Variants in ZFHX3 observed in about 807,000 individuals in gnomAD.
The protein encoded by ZFHX3 is zinc finger homeobox protein 3.
Under a neutral mutation model 279.1 loss-of-function variants are expected in ZFHX3, and 42 were observed. The observed-to-expected ratio is 0.15, with a 90% confidence interval of 0.12 to 0.19. The LOEUF (loss-of-function observed/expected upper bound fraction) is 0.19, where lower values mean the gene tolerates loss of function less well. Ranked by LOEUF, ZFHX3 falls within the 10% of genes least tolerant of loss-of-function variation. The pLI, the probability that ZFHX3 is intolerant of heterozygous loss-of-function variation, is 1.00. For missense variants in ZFHX3, 4,981 were observed against 4,754.0 expected (o/e 1.05, Z -1.40); for synonymous variants, 2,293 against 1,957.8 (o/e 1.17, Z -4.52).
chr16:73,888,122 C>T (rs1207755127), intron 1 of ZFHX3, among the ~76,000 whole-genome samples: 2 of 152,170 alleles, frequency 1.3e-5, no homozygotes, highest in Non-Finnish European at 2.9e-5. Flanking sequence ...TCAAATGTCT[C>T]TAGGAGCATC....
At chr16:73,212,650 G>A (rs539023933) in intron 5 of ZFHX3, among the ~76,000 whole-genome samples, 6 of 152,308 alleles carry the variant, frequency 3.9e-5, no homozygotes, top group African/African-American at 1.4e-4. Flanking sequence ...GCTCATGACC[G>A]TCACCTGGAG....
intron 2 of ZFHX3, among the ~76,000 whole-genome samples, chr16:73,563,834 G>C (rs1263172995): frequency 1.3e-5 from 2 of 152,070 alleles, no homozygotes; most frequent in Non-Finnish European, 2.9e-5. Flanking sequence ...TTAAAGTATA[G>C]ACAATATCCT....
intron 1 of ZFHX3, among the ~76,000 whole-genome samples, chr16:73,891,349 C>A (rs2030531683): frequency 2.0e-5 from 3 of 152,028 alleles, no homozygotes; most frequent in Admixed American, 6.5e-5. Flanking sequence ...CACACATACA[C>A]GTGTCAGCAA....
At chr16:73,187,391 G>A (rs996111579) in intron 5 of ZFHX3, among the ~76,000 whole-genome samples, 1 of 151,330 alleles carries the variant, frequency 6.6e-6, no homozygotes, top group African/African-American at 2.4e-5. Context: ...TCAGCCTACA[G>A]AGAAACGTCA....
chr16:73,856,732 T>TG (rs1304630527), intron 1 of ZFHX3, among the ~76,000 whole-genome samples: 1 of 152,192 alleles, frequency 6.6e-6, no homozygotes, highest in African/African-American at 2.4e-5. Flanking sequence ...TCCCACCCTT[T>TG]GGAAAGCTCT....
At chr16:72,859,692 G>A (rs1291284806) in intron 4 of ZFHX3, among the ~76,000 whole-genome samples, 1 of 152,200 alleles carries the variant, frequency 6.6e-6, no homozygotes, top group Non-Finnish European at 1.5e-5. Flanking sequence ...GCAGAAACGA[G>A]CTTTACTGAG....
chr16:73,003,442 C>T (rs1030909622), intron 1 of ZFHX3, among the ~76,000 whole-genome samples: 1 of 151,714 alleles, frequency 6.6e-6, no homozygotes, highest in Non-Finnish European at 1.5e-5. Flanking sequence ...AATCCCAGCA[C>T]TTTGGGAGGC....
chr16:72,994,772 T>A (rs1597067830), intron 1 of ZFHX3, among the ~76,000 whole-genome samples: 1 of 152,258 alleles, frequency 6.6e-6, no homozygotes, highest in East Asian at 1.9e-4. Context: ...AGGTTCCTCC[T>A]GACGGAACAA....
chr16:72,888,012 G>C (rs1180906745), intron 4 of ZFHX3, among the ~76,000 whole-genome samples: 1 of 152,050 alleles, frequency 6.6e-6, no homozygotes, highest in Non-Finnish European at 1.5e-5. Flanking sequence ...ATTCTCATCT[G>C]CCCAGGTAGA....
At position 73,841,394 on chromosome 16, in the gene ZFHX3, A is replaced by G. The variant is rs1258800032; in HGVS notation, c.-1608+50257T>C. Among the ~76,000 whole-genome samples, 3 of 152,266 alleles carry G rather than the reference A, an allele frequency of 2.0e-5. No homozygotes were observed. The South Asian group carries it at 6.2e-4, about 32-fold the overall frequency. The stretch of plus-strand genomic sequence containing the variant: ...AGTGAACCCAAGAGCCATAGACTGC[A>G]GGGGAGACATGGCGGACCAGGAATC... On this transcript the variant is annotated intron_variant, in intron 1 of 17. Coordinates refer to the ZFHX3 transcript ENST00000641206.
chr16:73,391,860 G>A (rs1022349270), intron 3 of ZFHX3, among the ~76,000 whole-genome samples: 12 of 152,072 alleles, frequency 7.9e-5, no homozygotes, highest in Non-Finnish European at 1.6e-4. Flanking sequence ...AACCGGGGAA[G>A]ACTTCAGGTA....
intron 3 of ZFHX3, among the ~76,000 whole-genome samples, chr16:73,382,328 T>G (rs55969333): frequency 0.11 from 16,786 of 152,268 alleles, 951 homozygotes; most frequent in Middle Eastern, 0.13. Context: ...ACACAAAGTC[T>G]GAAGATAACA....
intron 1 of ZFHX3, among the ~76,000 whole-genome samples, chr16:73,026,695 A>AAAAAAC (rs55862025): frequency 1.4e-5 from 2 of 147,800 alleles, no homozygotes; most frequent in East Asian, 4.0e-4. Flanking sequence ...AAAAAAAAAA[A>AAAAAAC]CACATAGTAA....
chr16:73,111,514 C>G (rs192635419), intron 7 of ZFHX3, among the ~76,000 whole-genome samples: 1 of 151,788 alleles, frequency 6.6e-6, no homozygotes, highest in African/African-American at 2.4e-5. Context: ...GAACTCTACA[C>G]TCTCCTATGT....
intron 1 of ZFHX3, among the ~76,000 whole-genome samples, chr16:72,995,521 A>C (rs1963253272): frequency 6.6e-6 from 1 of 152,210 alleles, no homozygotes; most frequent in South Asian, 2.1e-4. Flanking sequence ...CCCTCCGATC[A>C]CAACTACAAC....
chr16:73,515,369 G>T (rs2019501480), intron 2 of ZFHX3, among the ~76,000 whole-genome samples: 1 of 152,114 alleles, frequency 6.6e-6, no homozygotes, highest in Non-Finnish European at 1.5e-5. Flanking sequence ...TAGTCACAAA[G>T]ATGGTGCCAA....
intron 2 of ZFHX3, among the ~76,000 whole-genome samples, chr16:73,517,187 G>A (rs1349248721): frequency 2.0e-5 from 3 of 152,062 alleles, no homozygotes; most frequent in African/African-American, 7.2e-5. Context: ...TTGTTCTACC[G>A]TCCATCACCT....
At chr16:73,663,438 A>G (rs558773242) in intron 2 of ZFHX3, among the ~76,000 whole-genome samples, 1 of 152,358 alleles carries the variant, frequency 6.6e-6, no homozygotes, top group South Asian at 2.1e-4. Context: ...TGAATGGCAC[A>G]GTTCATGTGG....
chr16:72,795,032 C>T lies in ZFHX3; in HGVS notation c.7650G>A (p.Gln2550=), dbSNP rs1296279851. The change falls in exon 9 of 10, where the codon CAG becomes CAA. Residue 2550 remains glutamine (Q), a synonymous_variant. Coordinates refer to ENST00000268489, the MANE Select transcript of ZFHX3 (RefSeq NM_006885.4). ...PSFEHWQEHQ[Q]LHFLSAQNQF... ...GGTTCTGCGCGCTCAGGAAGTGGAG[C>T]TGCTGATGCTCCTGCCAGTGCTCAA... 1 of 1,614,060 alleles carries T rather than the reference C, an allele frequency of 6.2e-7. No homozygotes were observed. The highest frequency in any genetic ancestry group is 1.3e-5 in the African/African-American group (1 of 74,930).
Sources: allele counts gnomAD v4.1 joint callset (sites outside exome capture counted in the v4.1 genomes callset), GRCh38; gene constraint gnomAD v4.1.1; transcripts MANE v1.5; gene names NCBI Gene and HGNC (gene_info 2026-07-23, HGNC 2026-07-21).